STX8: variants seen among roughly 807,000 people sequenced by gnomAD.
STX8 encodes syntaxin 8, also known as syntaxin-8.
Under a neutral mutation model 37.5 loss-of-function variants are expected in STX8, and 23 were observed. That is an observed-to-expected ratio of 0.61 (90% CI 0.44 to 0.87). The LOEUF (loss-of-function observed/expected upper bound fraction) is 0.87, where lower values mean the gene tolerates loss of function less well. Ranked by LOEUF, STX8 falls within the 40% of genes least tolerant of loss-of-function variation. The pLI is 0.00. For synonymous variants in STX8, 115 were observed against 99.1 expected (o/e 1.16, Z -0.95); for missense variants, 313 against 284.7 (o/e 1.10, Z -0.71).
At chr17:9,531,851 C>A (rs1031246174) in intron 4 of STX8, among the ~76,000 whole-genome samples, 3 of 151,880 alleles carry the variant, frequency 2.0e-5, no homozygotes, top group Admixed American at 6.6e-5. Context: ...ATGACAGCAG[C>A]CTTAAAATTT....
intron 3 of STX8, among the ~76,000 whole-genome samples, chr17:9,550,043 G>A (rs1322155470): frequency 6.6e-6 from 1 of 152,106 alleles, no homozygotes; most frequent in African/African-American, 2.4e-5. Context: ...ACAACACGGT[G>A]AAACCCCATC....
intron 7 of STX8, among the ~76,000 whole-genome samples, chr17:9,316,916 G>A (rs1909400590): frequency 2.0e-5 from 3 of 152,204 alleles, no homozygotes; most frequent in Admixed American, 6.5e-5. Context: ...CCAGAGAACT[G>A]ATGAGCAAGG....
chr17:9,357,348 T>C (rs1459039441), intron 7 of STX8, among the ~76,000 whole-genome samples: 4 of 152,126 alleles, frequency 2.6e-5, no homozygotes, highest in Non-Finnish European at 4.4e-5. Context: ...TTTTTCCTGA[T>C]TGGCTCCCAA....
intron 4 of STX8, among the ~76,000 whole-genome samples, chr17:9,533,305 T>C (rs1905892341): frequency 6.6e-6 from 1 of 152,012 alleles, no homozygotes. Flanking sequence ...CCGTCTCTAA[T>C]AAAAATACAA....
chr17:9,482,984 A>G (rs1200491104), intron 6 of STX8, among the ~76,000 whole-genome samples: 1 of 152,180 alleles, frequency 6.6e-6, no homozygotes, highest in Non-Finnish European at 1.5e-5. Context: ...AAATGACTAT[A>G]AACATTTCTT....
intron 7 of STX8, among the ~76,000 whole-genome samples, chr17:9,358,542 T>C (rs1910955957): frequency 3.3e-5 from 5 of 152,158 alleles, no homozygotes; most frequent in Admixed American, 3.3e-4. Flanking sequence ...GTAACAGTTT[T>C]TAAATGCACT....
rs949897948 is a variant in STX8 at position 9,538,682 on chromosome 17, A to G, written c.323+6490T>C. 2.6e-5 allele frequency among the ~76,000 whole-genome samples: 4 copies of G among 152,200 alleles called. No individual in the cohort carries two copies. In the East Asian group the frequency reaches 7.7e-4, roughly 29 times the overall value. On this transcript the variant is annotated intron_variant, in intron 4 of 7. Transcript: ENST00000306357. ...ATTTTAGCAATTGGTCTGCTTGTTA[A>G]TATATCCTTCTTGACATACAACTAC...
At chr17:9,263,894 C>T (rs1170308466) in intron 7 of STX8, among the ~76,000 whole-genome samples, 1 of 152,216 alleles carries the variant, frequency 6.6e-6, no homozygotes, top group Non-Finnish European at 1.5e-5. Context: ...CCTGGGTCCC[C>T]TCCCCTTGAA....
chr17:9,342,593 GCTT>G (rs1910399830), intron 7 of STX8, among the ~76,000 whole-genome samples: 1 of 152,160 alleles, frequency 6.6e-6, no homozygotes, highest in Admixed American at 6.5e-5. Context: ...GTGTGGGCTG[GCTT>G]CTTGTCTGGG....
chr17:9,374,106 G>A (rs1237459257), intron 7 of STX8, among the ~76,000 whole-genome samples: 1 of 145,240 alleles, frequency 6.9e-6, no homozygotes, highest in Non-Finnish European at 1.5e-5. Flanking sequence ...TTTTTTGATG[G>A]AGTCTCACTG....
At chr17:9,354,933 A>G (rs377679408) in intron 7 of STX8, among the ~76,000 whole-genome samples, 1 of 152,062 alleles carries the variant, frequency 6.6e-6, no homozygotes, top group Non-Finnish European at 1.5e-5. Flanking sequence ...TCTAGGGTTA[A>G]TATTTGTCAG....
intron 3 of STX8, among the ~76,000 whole-genome samples, chr17:9,546,481 T>TGCGCATGGGC (rs57343018): frequency 0.98 from 148,745 of 151,814 alleles, 72,879 homozygotes; most frequent in East Asian, 1. Flanking sequence ...ATGCGGCGCG[T>TGCGCATGGGC]GCGCATGAAG....
chr17:9,525,222 G>T (rs1905513317), intron 4 of STX8, among the ~76,000 whole-genome samples: 1 of 152,028 alleles, frequency 6.6e-6, no homozygotes, highest in Admixed American at 6.6e-5. Context: ...GTGCAGACTG[G>T]TATAGAAACT....
intron 4 of STX8, among the ~76,000 whole-genome samples, chr17:9,512,120 T>C (rs1662482020): frequency 1.3e-5 from 2 of 152,342 alleles, no homozygotes; most frequent in South Asian, 4.1e-4. Context: ...AGTTATTTCA[T>C]GCTCATGGAT....
At chr17:9,413,791 G>A (rs909665669) in intron 6 of STX8, among the ~76,000 whole-genome samples, 1 of 152,190 alleles carries the variant, frequency 6.6e-6, no homozygotes, top group Non-Finnish European at 1.5e-5. Flanking sequence ...CACAGATGGA[G>A]GGCTGTGCTC....
intron 6 of STX8, among the ~76,000 whole-genome samples, chr17:9,420,837 C>A (rs78921262): frequency 0.1 from 15,363 of 152,142 alleles, 2,432 homozygotes; most frequent in African/African-American, 0.34. Flanking sequence ...TTTTATCCAA[C>A]CAGAAGAGAG....
intron 6 of STX8, among the ~76,000 whole-genome samples, chr17:9,431,593 C>G (rs1597668379): frequency 6.6e-6 from 1 of 152,244 alleles, no homozygotes; most frequent in African/African-American, 2.4e-5. Flanking sequence ...CCGCGGCTGG[C>G]CAAGGGCAGC....
At chr17:9,360,873 T>G (rs1418345684) in intron 7 of STX8, among the ~76,000 whole-genome samples, 1 of 152,082 alleles carries the variant, frequency 6.6e-6, no homozygotes, top group Non-Finnish European at 1.5e-5. Context: ...CGCTCAGCAG[T>G]CAGCTCCAGA....
intron 6 of STX8, among the ~76,000 whole-genome samples, chr17:9,453,094 CCG>C (rs1380594053): frequency 2.0e-5 from 3 of 152,160 alleles, no homozygotes; most frequent in African/African-American, 7.2e-5. Flanking sequence ...GCGTGAGCCA[CCG>C]CGCCTGGCCA....
Sources: gnomAD v4.1 joint callset for allele counts (sites outside exome capture counted in the v4.1 genomes callset) on GRCh38, gnomAD v4.1.1 for gene constraint, MANE v1.5 for transcripts, NCBI Gene and HGNC (gene_info 2026-07-23, HGNC 2026-07-21) for gene names.